Variants in RAP1GAP2 observed in about 807,000 individuals in gnomAD.
RAP1GAP2 encodes rap1 GTPase-activating protein 2.
RAP1GAP2 carries 27 observed loss-of-function variants against 95.0 expected under a neutral mutation model. The ratio of observed to expected loss-of-function variants is 0.28; its 90% CI spans 0.21 to 0.39. RAP1GAP2 has a LOEUF of 0.39. RAP1GAP2 is among the 10% of genes least tolerant of loss of function. The pLI, the probability that RAP1GAP2 is intolerant of heterozygous loss-of-function variation, is 1.00. For synonymous variants in RAP1GAP2, 373 were observed against 380.9 expected (o/e 0.98, Z 0.24); for missense variants, 771 against 970.0 (o/e 0.79, Z 2.72).
chr17:2,786,276 C>G (rs944150190), intron 1 of RAP1GAP2, among the ~76,000 whole-genome samples: 2 of 152,244 alleles, frequency 1.3e-5, no homozygotes, highest in Non-Finnish European at 2.9e-5. Flanking sequence ...CATTTAATGT[C>G]AGGACTGGGG....
chr17:2,932,540 G>A (rs1033299377), intron 3 of RAP1GAP2, among the ~76,000 whole-genome samples: 2 of 143,938 alleles, frequency 1.4e-5, no homozygotes, highest in Non-Finnish European at 3.0e-5. Flanking sequence ...TTATTATATC[G>A]CGCCACTGCA....
chr17:2,956,990 C>T (rs555851428), intron 3 of RAP1GAP2, among the ~76,000 whole-genome samples: 10 of 151,866 alleles, frequency 6.6e-5, no homozygotes, highest in East Asian at 1.9e-4. Flanking sequence ...TAGCCGGGCA[C>T]GATGGCGGGC....
intron 2 of RAP1GAP2, among the ~76,000 whole-genome samples, chr17:2,815,215 C>T (rs931030016): frequency 4.6e-5 from 7 of 152,254 alleles, no homozygotes; most frequent in African/African-American, 1.4e-4. Context: ...GCACGGGAAC[C>T]AGTGCCGTTT....
At chr17:2,941,811 T>C (rs1193516494) in intron 3 of RAP1GAP2, among the ~76,000 whole-genome samples, 3 of 151,854 alleles carry the variant, frequency 2.0e-5, no homozygotes, top group African/African-American at 7.3e-5. Context: ...GCCTCTGGAG[T>C]AGCTGGGATT....
At chr17:2,838,423 G>A (rs1482088827) in intron 2 of RAP1GAP2, among the ~76,000 whole-genome samples, 2 of 152,106 alleles carry the variant, frequency 1.3e-5, no homozygotes, top group Non-Finnish European at 2.9e-5. Flanking sequence ...GTGCTGCCCT[G>A]CAAGGTGATT....
At chr17:2,924,039 C>CT (rs1245766653) in intron 3 of RAP1GAP2, among the ~76,000 whole-genome samples, 8 of 152,166 alleles carry the variant, frequency 5.3e-5, no homozygotes, top group Non-Finnish European at 1.2e-4. Flanking sequence ...ATTAATTTCT[C>CT]TAAGAGTTCT....
At chr17:2,762,397 C>CTTTTTTTTTTT (rs71150894) in intron 1 of RAP1GAP2, among the ~76,000 whole-genome samples, 22 of 124,174 alleles carry the variant, frequency 1.8e-4, no homozygotes, top group South Asian at 2.5e-4. Flanking sequence ...TTTTTTCTTT[C>CTTTTTTTTTTT]TTTTTTTTTT....
intron 3 of RAP1GAP2, among the ~76,000 whole-genome samples, chr17:2,954,296 G>T (rs2044029373): frequency 6.6e-6 from 1 of 152,048 alleles, no homozygotes; most frequent in South Asian, 2.1e-4. Flanking sequence ...AGTAGAGACG[G>T]GGTTTCACCG....
chr17:2,853,902 C>A, intron 2 of RAP1GAP2: 1 of 978,032 alleles, frequency 1.0e-6, no homozygotes, highest in Non-Finnish European at 1.2e-6. Context: ...GGCCGGGGGC[C>A]GGGGCGCGGG....
intron 2 of RAP1GAP2, among the ~76,000 whole-genome samples, chr17:2,833,689 CA>C (rs112909808): frequency 2.8e-3 from 149 of 53,690 alleles, no homozygotes; most frequent in East Asian, 7.1e-3. Flanking sequence ...GACTCCGTCT[CA>C]AAAAAAAAAA....
At chr17:2,984,117 G>A (rs2045468926) in intron 10 of RAP1GAP2, among the ~76,000 whole-genome samples, 1 of 152,216 alleles carries the variant, frequency 6.6e-6, no homozygotes, top group South Asian at 2.1e-4. Context: ...TTGGGAGGCT[G>A]AGGCAGGCGG....
intron 2 of RAP1GAP2, among the ~76,000 whole-genome samples, chr17:2,816,091 C>T (rs2070008992): frequency 6.6e-6 from 1 of 152,146 alleles, no homozygotes; most frequent in South Asian, 2.1e-4. Context: ...CCAAGGTGCC[C>T]CTTGTTTCCA....
intron 1 of RAP1GAP2, among the ~76,000 whole-genome samples, chr17:2,764,371 G>T (rs898144941): frequency 1.1e-4 from 16 of 151,732 alleles, no homozygotes; most frequent in African/African-American, 3.6e-4. Flanking sequence ...GGTGGAGGTT[G>T]CAGTGAGCCT....
chr17:2,907,802 CAG>C (rs1390041431), intron 3 of RAP1GAP2, among the ~76,000 whole-genome samples: 1 of 152,106 alleles, frequency 6.6e-6, no homozygotes, highest in Non-Finnish European at 1.5e-5. Flanking sequence ...ACCACTGAAT[CAG>C]AGTCAGCTTT....
chr17:2,802,281 A>G (rs1193168562), intron 2 of RAP1GAP2, among the ~76,000 whole-genome samples: 1 of 152,200 alleles, frequency 6.6e-6, no homozygotes, highest in Non-Finnish European at 1.5e-5. Context: ...GACGGTTGGC[A>G]TAAAAGAGGG....
At chr17:2,777,788 T>C (rs992493160) in intron 1 of RAP1GAP2, among the ~76,000 whole-genome samples, 1 of 152,070 alleles carries the variant, frequency 6.6e-6, no homozygotes, top group Non-Finnish European at 1.5e-5. Flanking sequence ...AATGAGAGAG[T>C]TGTCCTGAGC....
intron 16 of RAP1GAP2, among the ~76,000 whole-genome samples, chr17:3,006,398 G>T (rs563466630): frequency 2.7e-5 from 4 of 150,540 alleles, no homozygotes; most frequent in Non-Finnish European, 5.9e-5. Flanking sequence ...CCAAAGTGCC[G>T]GGATTACAGG....
intron 13 of RAP1GAP2, among the ~76,000 whole-genome samples, chr17:2,997,939 GAAA>G (rs68149165): frequency 1.5e-5 from 2 of 131,612 alleles, no homozygotes; most frequent in Admixed American, 7.5e-5. Context: ...AAAAAAAAAA[GAAA>G]AAAAAAAGAT....
At chr17:2,873,622 G>A (rs919621816) in intron 2 of RAP1GAP2, among the ~76,000 whole-genome samples, 6 of 151,754 alleles carry the variant, frequency 4.0e-5, no homozygotes, top group African/African-American at 9.7e-5. Context: ...TGGCGTTTGA[G>A]CCCTGCTAAT....
Sources: allele counts gnomAD v4.1 joint callset (sites outside exome capture counted in the v4.1 genomes callset), GRCh38; gene constraint gnomAD v4.1.1; transcripts MANE v1.5; gene names NCBI Gene and HGNC (gene_info 2026-07-23, HGNC 2026-07-21).